The following CCDC73 variants were observed in gnomAD, a reference collection of about 807,000 sequenced individuals.
CCDC73 encodes the protein coiled-coil domain-containing protein 73.
CCDC73 carries 95 observed loss-of-function variants against 116.5 expected under a neutral mutation model. The observed-to-expected ratio is 0.82, with a 90% confidence interval of 0.69 to 0.97. The LOEUF is 0.97. Ranked by LOEUF, CCDC73 falls within the 50% of genes least tolerant of loss-of-function variation. The pLI, the probability that CCDC73 is intolerant of heterozygous loss-of-function variation, is 0.00. For missense variants in CCDC73, 1,066 were observed against 1,206.8 expected (o/e 0.88, Z 1.73); for synonymous variants, 398 against 401.3 (o/e 0.99, Z 0.10).
the CCDC73 span, among the ~76,000 whole-genome samples, chr11:32,819,751 A>G: frequency 1.3e-5 from 2 of 152,194 alleles, no homozygotes; most frequent in Admixed American, 1.3e-4. Context: ...GTGAGCCACT[A>G]TACATAACCA....
the CCDC73 span, among the ~76,000 whole-genome samples, chr11:32,828,934 G>A: frequency 6.6e-6 from 1 of 152,154 alleles, no homozygotes; most frequent in Non-Finnish European, 1.5e-5. Context: ...AGAAAAATGA[G>A]GTTATAGCTA....
intron 2 of CCDC73, among the ~76,000 whole-genome samples, chr11:32,745,415 T>C (rs1850227383): frequency 6.6e-6 from 1 of 152,224 alleles, no homozygotes; most frequent in Non-Finnish European, 1.5e-5. Context: ...AGATATCTAT[T>C]AGGTCTGCTT....
At chr11:32,671,398 CAA>C (rs58075036) in intron 9 of CCDC73, among the ~76,000 whole-genome samples, 1,307 of 122,390 alleles carry the variant, frequency 0.011, 16 homozygotes, top group African/African-American at 0.035. Flanking sequence ...AACTTTGCTC[CAA>C]AAAAAAAAAA....
At chr11:32,738,739 T>C (rs1298250943) in intron 2 of CCDC73, among the ~76,000 whole-genome samples, 1 of 152,136 alleles carries the variant, frequency 6.6e-6, no homozygotes, top group Non-Finnish European at 1.5e-5. Context: ...CTTTGGTTCC[T>C]GTGCTTCTGG....
chr11:32,641,369 C>T (rs2133249674), intron 13 of CCDC73, among the ~76,000 whole-genome samples: 1 of 152,118 alleles, frequency 6.6e-6, no homozygotes, highest in East Asian at 1.9e-4. Context: ...AACTTGATTT[C>T]ACCTCATCTT....
chr11:32,706,450 T>C (rs1038845826), intron 3 of CCDC73, among the ~76,000 whole-genome samples: 2 of 152,144 alleles, frequency 1.3e-5, no homozygotes, highest in Non-Finnish European at 2.9e-5. Flanking sequence ...AATAACTAAA[T>C]GTTCCCACTG....
At chr11:32,830,399 T>C in the CCDC73 span, 1 of 993,458 alleles carries the variant, frequency 1.0e-6, no homozygotes, top group Non-Finnish European at 1.3e-6. Context: ...CGCCGGGCGC[T>C]CTTGCGCCTA....
intron 2 of CCDC73, among the ~76,000 whole-genome samples, chr11:32,731,590 A>G (rs1850078654): frequency 6.6e-6 from 1 of 152,176 alleles, no homozygotes. Context: ...TCAGGCAGCA[A>G]CATTTGCTAT....
In CCDC73 at chr11:32,602,848, G is replaced by C; in HGVS notation, c.3203C>G (p.Ala1068Gly). ...GTTGTTTTTTTCCAACGTCTCTTCT[G>C]CTTTTCTTTTCTTTGGCTGGTTGTC... ...ENDNQPKKRKAEETLEKNNRL... is the reference protein window; with the variant it reads ...ENDNQPKKRKGEETLEKNNRL... The change falls in exon 18 of 18, where the codon GCA becomes GGA. Residue 1068 changes from alanine to glycine, a missense_variant. Coordinates refer to ENST00000335185, the MANE Select transcript of CCDC73 (RefSeq NM_001008391.4). The C allele has an allele frequency of 6.2e-7, 1 of 1,608,504 alleles. No homozygotes were observed. Among genetic ancestry groups the C allele is most frequent in the Non-Finnish European group, 8.5e-7 (1 of 1,177,710 alleles).
At chr11:32,761,225 C>CT (rs971062886) in intron 1 of CCDC73, among the ~76,000 whole-genome samples, 55 of 150,656 alleles carry the variant, frequency 3.7e-4, no homozygotes, top group Non-Finnish European at 6.8e-4. Context: ...TAACCTATAG[C>CT]TTTTTTTTTA....
At chr11:32,712,968 T>C (rs1191664425) in intron 3 of CCDC73, among the ~76,000 whole-genome samples, 2 of 152,102 alleles carry the variant, frequency 1.3e-5, no homozygotes, top group Admixed American at 6.6e-5. Context: ...TATATCTCTT[T>C]GATCTCTATT....
chr11:32,610,551 A>G (rs1473237603), intron 17 of CCDC73, among the ~76,000 whole-genome samples: 1 of 152,236 alleles, frequency 6.6e-6, no homozygotes, highest in Non-Finnish European at 1.5e-5. Flanking sequence ...ACTATGATAT[A>G]AAACTTACAC....
chr11:32,659,468 C>T (rs1855902378), intron 9 of CCDC73, among the ~76,000 whole-genome samples: 1 of 152,146 alleles, frequency 6.6e-6, no homozygotes, highest in Admixed American at 6.5e-5. Flanking sequence ...TCCCAAAACT[C>T]TATCCTTACA....
At chr11:32,800,907 T>C in the CCDC73 span, among the ~76,000 whole-genome samples, 1 of 152,164 alleles carries the variant, frequency 6.6e-6, no homozygotes, top group East Asian at 1.9e-4. Context: ...ATAACAGAAA[T>C]ATTCAACTTA....
chr11:32,743,260 C>A (rs1013749279), intron 2 of CCDC73, among the ~76,000 whole-genome samples: 7 of 152,148 alleles, frequency 4.6e-5, no homozygotes, highest in Non-Finnish European at 7.4e-5. Context: ...AGGCCATTTT[C>A]AGAATATTGA....
intron 6 of CCDC73, among the ~76,000 whole-genome samples, chr11:32,686,012 G>A (rs960173134): frequency 3.3e-5 from 5 of 151,822 alleles, no homozygotes; most frequent in African/African-American, 7.3e-5. Context: ...GAGCCACCGC[G>A]CCAGGCCCTG....
chr11:32,687,584 G>C (rs935762179), intron 6 of CCDC73, among the ~76,000 whole-genome samples: 2 of 151,610 alleles, frequency 1.3e-5, no homozygotes, highest in African/African-American at 4.8e-5. Context: ...ATTTGCAGCA[G>C]TGCAAATTAA....
intron 3 of CCDC73, 57 bp from the exon 4 acceptor site, chr11:32,703,001 T>C: frequency 1.8e-6 from 2 of 1,119,866 alleles, no homozygotes; most frequent in Non-Finnish European, 2.7e-6. Flanking sequence ...TCTTTCAGCT[T>C]TAAATCTTAA....
rs1212308974 is a variant in CCDC73, at chr11:32,603,007, G to A, written c.3044C>T (p.Pro1015Leu). 2 of 1,593,702 alleles carry A rather than the reference G, an allele frequency of 1.3e-6. No individual in the cohort carries two copies. The highest frequency in any genetic ancestry group is 1.2e-5 in the South Asian group (1 of 86,112). The change falls in exon 18 of 18, where the codon CCT (proline) becomes CTT (leucine). Residue 1015 changes from proline (P) to leucine (L), a missense_variant. Physicochemically the swap from Pro to Leu is moderately conservative, Grantham distance 98 (BLOSUM62 -3). Coordinates refer to ENST00000335185, the MANE Select transcript of CCDC73 (RefSeq NM_001008391.4). ...GCTTTGTAGTGGAGTTGATATCAGA[G>A]GCTTTGTTTTCACCTGGGAAAGATA... ...SFPTEHVKTK[P>L]LISTPLQSHL...
Sources: gnomAD v4.1 joint callset for allele counts (sites outside exome capture counted in the v4.1 genomes callset) on GRCh38, gnomAD v4.1.1 for gene constraint, MANE v1.5 for transcripts, NCBI Gene and HGNC (gene_info 2026-07-23, HGNC 2026-07-21) for gene names.